The following NEDD4 variants were observed in gnomAD, a reference collection of about 807,000 sequenced individuals.
NEDD4 encodes the protein E3 ubiquitin-protein ligase NEDD4.
Under a neutral mutation model 144.9 loss-of-function variants are expected in NEDD4, and 99 were observed. The observed-to-expected ratio is 0.68, with a 90% CI of 0.58 to 0.81. NEDD4 has a LOEUF of 0.81. Among genes scored for constraint, NEDD4 ranks in the 30% least tolerant of loss-of-function variants. NEDD4 has a pLI of 0.00. For missense variants in NEDD4, 985 were observed against 1,065.9 expected (o/e 0.92, Z 1.06); for synonymous variants, 318 against 350.6 (o/e 0.91, Z 1.04).
intron 11 of NEDD4, among the ~76,000 whole-genome samples, chr15:55,859,628 G>A (rs760624130): frequency 2.0e-5 from 3 of 152,246 alleles, no homozygotes; most frequent in East Asian, 1.9e-4. Flanking sequence ...AGCTGGAGAC[G>A]GAGTTTGCAG....
At chr15:55,921,308 G>T (rs1456304245) in intron 5 of NEDD4, among the ~76,000 whole-genome samples, 1 of 151,874 alleles carries the variant, frequency 6.6e-6, no homozygotes, top group Non-Finnish European at 1.5e-5. Flanking sequence ...AGTCCTTAGT[G>T]TGGGGATCTA....
At chr15:55,888,449 GAAATC>G (rs1247102148) in intron 5 of NEDD4, among the ~76,000 whole-genome samples, 1 of 152,038 alleles carries the variant, frequency 6.6e-6, no homozygotes, top group African/African-American at 2.4e-5. Context: ...ACTGATGAAA[GAAATC>G]AAAGAGGACA....
intron 5 of NEDD4, among the ~76,000 whole-genome samples, chr15:55,898,418 A>G (rs2035805232): frequency 6.6e-6 from 1 of 152,176 alleles, no homozygotes; most frequent in South Asian, 2.1e-4. Flanking sequence ...GATTTATGAA[A>G]GTTTTCAGTC....
chr15:55,838,611 G>A lies in NEDD4; in HGVS notation c.2032-7C>T, dbSNP rs1342734213. 1 of 1,580,684 alleles carries A rather than the reference G, an allele frequency of 6.3e-7. No homozygotes were observed. The highest frequency in any genetic ancestry group is 1.3e-5 in the African/African-American group (1 of 74,210). On this transcript the variant is annotated splice_polypyrimidine_tract_variant and splice_region_variant and intron_variant, in intron 21 of 28. Coordinates refer to ENST00000435532, the MANE Select transcript of NEDD4 (RefSeq NM_006154.4). Reference sequence around the variant, plus strand: ...AATTGTAATATTCACTATCCTAGATGGGAAAAATTACATATTTAAAATTTG... The same window carrying A: ...AATTGTAATATTCACTATCCTAGATAGGAAAAATTACATATTTAAAATTTG...
intron 26 of NEDD4, 76 bp downstream of exon 26, chr15:55,833,962 T>C (rs565964542): frequency 3.9e-6 from 4 of 1,021,930 alleles, no homozygotes; most frequent in East Asian, 4.7e-5. Context: ...TCCACCAGTA[T>C]AGTTAATCAA....
chr15:55,888,489 G>A (rs531411001), intron 5 of NEDD4, among the ~76,000 whole-genome samples: 1 of 152,206 alleles, frequency 6.6e-6, no homozygotes, highest in South Asian at 2.1e-4. Context: ...GTATGTTCAT[G>A]GATCAGAAGA....
intron 2 of NEDD4, among the ~76,000 whole-genome samples, chr15:55,956,231 T>A (rs2037336100): frequency 1.3e-5 from 2 of 152,202 alleles, no homozygotes; most frequent in Admixed American, 1.3e-4. Context: ...TTTCCAGATA[T>A]ATGTCTAAAG....
chr15:55,919,259 C>A (rs545491830), intron 5 of NEDD4, among the ~76,000 whole-genome samples: 1 of 152,154 alleles, frequency 6.6e-6, no homozygotes, highest in Non-Finnish European at 1.5e-5. Context: ...TCATCACAGT[C>A]ACTCTGAATG....
At chr15:55,870,480 CCTGT>C (rs2034744596) in intron 7 of NEDD4, among the ~76,000 whole-genome samples, 1 of 151,248 alleles carries the variant, frequency 6.6e-6, no homozygotes, top group Admixed American at 6.6e-5. Context: ...CTTTTGAAAA[CCTGT>C]CTTTCATAAG....
intron 5 of NEDD4, among the ~76,000 whole-genome samples, chr15:55,907,224 T>C (rs1450434271): frequency 6.6e-6 from 1 of 151,658 alleles, no homozygotes; most frequent in Non-Finnish European, 1.5e-5. Flanking sequence ...AAAAGAAAAT[T>C]TTAAGGTCAA....
At chr15:55,832,150 G>A (rs2032980572) in intron 27 of NEDD4, among the ~76,000 whole-genome samples, 1 of 142,408 alleles carries the variant, frequency 7.0e-6, no homozygotes, top group Admixed American at 7.2e-5. Flanking sequence ...ATGAAAAATA[G>A]TAGCCTAATG....
At position 55,924,584 on chromosome 15, in the gene NEDD4, C is replaced by T. The variant is rs1383683804; in HGVS notation, c.291+62G>A. 1.4e-5 allele frequency: 20 copies of T among 1,452,308 alleles called. No homozygotes were observed. In the South Asian group the frequency reaches 2.1e-4, roughly 15 times the overall value. The allele number at this position is 1,452,308 out of a possible 1,614,324, so 90.0% of individuals were successfully genotyped here. On this transcript the variant is annotated intron_variant, in intron 5 of 28. Transcript: ENST00000435532. Reference sequence around the variant, plus strand: ...AATCCCAGACTGCTTACCCACTTCCCCTGGCTGCTCCACTGAAATGTACCC... The same window carrying T: ...AATCCCAGACTGCTTACCCACTTCCTCTGGCTGCTCCACTGAAATGTACCC...
intron 5 of NEDD4, among the ~76,000 whole-genome samples, chr15:55,905,547 G>A (rs1186173446): frequency 6.6e-6 from 1 of 152,056 alleles, no homozygotes; most frequent in South Asian, 2.1e-4. Flanking sequence ...GACAACATAG[G>A]ACCTGAAACA....
intron 1 of NEDD4, among the ~76,000 whole-genome samples, chr15:55,986,890 C>T (rs567860055): frequency 1.4e-3 from 206 of 152,076 alleles, no homozygotes; most frequent in African/African-American, 4.6e-3. Flanking sequence ...CCACCGCGCC[C>T]GGCCAAGGCC....
At chr15:55,885,419 A>C (rs1156446287) in intron 5 of NEDD4, among the ~76,000 whole-genome samples, 3 of 152,216 alleles carry the variant, frequency 2.0e-5, no homozygotes, top group Non-Finnish European at 4.4e-5. Flanking sequence ...TAATACTGTA[A>C]TTGTGGTGTG....
chr15:55,866,044 C>A (rs1172837668), intron 8 of NEDD4, among the ~76,000 whole-genome samples: 1 of 151,686 alleles, frequency 6.6e-6, no homozygotes, highest in Non-Finnish European at 1.5e-5. Context: ...CAATCTTCCA[C>A]CTCAGGCTTT....
chr15:55,831,229 T>C (rs1264294699), intron 27 of NEDD4, among the ~76,000 whole-genome samples: 2 of 152,226 alleles, frequency 1.3e-5, no homozygotes, highest in Non-Finnish European at 2.9e-5. Flanking sequence ...CGCCTTAACA[T>C]ACTTTTTATT....
chr15:55,874,989 AGG>A (rs1245311183), intron 5 of NEDD4, among the ~76,000 whole-genome samples: 6 of 125,852 alleles, frequency 4.8e-5, no homozygotes, highest in Non-Finnish European at 5.5e-5. Context: ...AAAAAAAAAA[AGG>A]AAATCAACTC....
rs763410519 is a variant in NEDD4 at position 55,834,082 on chromosome 15, T to G, written c.2386A>C (p.Asn796His). 2.5e-6 allele frequency: 4 copies of G among 1,613,730 alleles called. No individual in the cohort carries two copies. The East Asian group carries it at 6.7e-5, about 27-fold the overall frequency. Residue 796 changes from asparagine (N) to histidine (H), a missense_variant, in exon 26 of 29, where the codon AAT becomes CAT. Physicochemically the swap from Asn to His is moderately conservative, Grantham distance 68 (BLOSUM62 1). Coordinates refer to ENST00000435532, the MANE Select transcript of NEDD4 (RefSeq NM_006154.4). ...ACCTGATGATTTGCACTGTAGCCAT[T>G]TTTATACTTTGTATGTTCCCTCCAG... ...NDWREHTKYK[N>H]GYSANHQVIQ... is the part of the protein sequence containing the mutation.
Sources: allele counts gnomAD v4.1 joint callset (sites outside exome capture counted in the v4.1 genomes callset), GRCh38; gene constraint gnomAD v4.1.1; transcripts MANE v1.5; gene names NCBI Gene and HGNC (gene_info 2026-07-23, HGNC 2026-07-21).